ZNF236: variants seen among roughly 807,000 people sequenced by gnomAD.
The protein encoded by ZNF236 is zinc finger protein 236.
In ZNF236, 50 loss-of-function variants were observed where a neutral mutation model predicts 191.2. The ratio of observed to expected loss-of-function variants is 0.26; its 90% CI spans 0.21 to 0.33. The LOEUF (loss-of-function observed/expected upper bound fraction) is 0.33. ZNF236 is among the 10% of genes least tolerant of loss of function. The pLI is 1.00. For synonymous variants in ZNF236, 907 were observed against 928.8 expected (o/e 0.98, Z 0.43); for missense variants, 1,754 against 2,374.5 (o/e 0.74, Z 5.43).
chr18:76,913,719 G>A, intron 17 of ZNF236, 28 bp from the exon 18 acceptor site: 2 of 1,608,924 alleles, frequency 1.2e-6, no homozygotes, highest in South Asian at 1.1e-5. Flanking sequence ...AATTAACGTG[G>A]TCTGAGTTCT....
chr18:76,938,925 T>G (rs1304076072), intron 26 of ZNF236, among the ~76,000 whole-genome samples: 1 of 152,228 alleles, frequency 6.6e-6, no homozygotes, highest in African/African-American at 2.4e-5. Flanking sequence ...GCGTGACTGC[T>G]TATGGAGTTT....
chr18:76,908,724 T>G, intron 14 of ZNF236, 151 bp downstream of exon 14: 702 of 776,076 alleles, frequency 9.0e-4, no homozygotes, highest in Middle Eastern at 1.6e-3. Context: ...TTTGATATCA[T>G]TCCATGTCCT....
intron 25 of ZNF236, among the ~76,000 whole-genome samples, chr18:76,930,570 T>C (rs1343132883): frequency 6.6e-6 from 1 of 152,234 alleles, no homozygotes; most frequent in Non-Finnish European, 1.5e-5. Flanking sequence ...TTAGTAGGAA[T>C]GTATTGCAGG....
At position 76,880,947 on chromosome 18, in the gene ZNF236, A is replaced by G. The variant is rs1030850458; in HGVS notation, c.1189-337A>G. Among the ~76,000 whole-genome samples the G allele has an allele frequency of 5.3e-5, 8 of 152,246 alleles. No homozygotes were observed. The highest frequency in any genetic ancestry group is 1.9e-4 in the African/African-American group (8 of 41,464). ...GATACCTGAAAGTTAAACCCAGTGT[A>G]ACTCAAAAGCCTTAAAATAGGGATT... On this transcript the variant is annotated intron_variant, in intron 8 of 30. Coordinates refer to ENST00000320610, the MANE Select transcript of ZNF236 (RefSeq NM_001306089.2). This position sits in a 1 kb window ranked among gnomAD's most constrained non-coding sequence, Gnocchi z 5.0.
intron 1 of ZNF236, among the ~76,000 whole-genome samples, chr18:76,827,843 T>C (rs1975059869): frequency 6.6e-6 from 1 of 152,200 alleles, no homozygotes; most frequent in Non-Finnish European, 1.5e-5. Context: ...ATCATAATTA[T>C]TTTAGCAATA....
intron 6 of ZNF236, among the ~76,000 whole-genome samples, chr18:76,877,504 A>G (rs1976750897): frequency 6.6e-6 from 1 of 152,082 alleles, no homozygotes; most frequent in Non-Finnish European, 1.5e-5. Flanking sequence ...ATCTCAAAAA[A>G]AAAAAAGAAA....
chr18:76,908,963 CTGTG>C (rs10524379), intron 14 of ZNF236, among the ~76,000 whole-genome samples: 1,538 of 147,196 alleles, frequency 0.01, 16 homozygotes, highest in African/African-American at 0.031. Flanking sequence ...ATGTGTGTGT[CTGTG>C]TGTGTGTGTG....
intron 28 of ZNF236, among the ~76,000 whole-genome samples, chr18:76,957,772 T>C (rs192729183): frequency 6.6e-6 from 1 of 152,292 alleles, no homozygotes; most frequent in Admixed American, 6.5e-5. Flanking sequence ...TGGTATTTGG[T>C]TTTCTGTTTC....
rs181512072 is a variant in ZNF236 at position 76,927,321 on chromosome 18, A to T, written c.4218A>T (p.Leu1406=). 6.2e-7 allele frequency: 1 copy of T among 1,614,122 alleles called. No homozygotes were observed. Among genetic ancestry groups the T allele is most frequent in the South Asian group, 1.1e-5 (1 of 91,072 alleles). ...AGCAGACGCTACAGCAGGGCAACCT[A>T]TTGGCTCAGCAGCTCACGGGGGAGC... ...ILQQTLQQGN[L]LAQQLTGEPG... Residue 1406 remains leucine (L), a synonymous_variant, in exon 24 of 31, where the codon CTA becomes CTT. Transcript: ENST00000320610. This position sits in a 1 kb window ranked among gnomAD's most constrained non-coding sequence, Gnocchi z 5.4.
chr18:76,963,334 T>C (rs1375282296), intron 30 of ZNF236, among the ~76,000 whole-genome samples: 1 of 152,228 alleles, frequency 6.6e-6, no homozygotes, highest in Non-Finnish European at 1.5e-5. Context: ...GAAATGATCA[T>C]GTGGTTTTTG....
chr18:76,884,194 G>GTT (rs1976979407), intron 9 of ZNF236, among the ~76,000 whole-genome samples: 1 of 152,102 alleles, frequency 6.6e-6, no homozygotes, highest in Admixed American at 6.6e-5. Flanking sequence ...GAGGTCAGGA[G>GTT]TTTGAGACCA....
intron 1 of ZNF236, among the ~76,000 whole-genome samples, chr18:76,846,538 T>C (rs1314224579): frequency 1.3e-5 from 2 of 152,174 alleles, no homozygotes; most frequent in Non-Finnish European, 2.9e-5. Context: ...TAGACCGCCA[T>C]TGGGTTTCAA....
chr18:76,946,724 C>T (rs1046946790), intron 26 of ZNF236, among the ~76,000 whole-genome samples: 22 of 152,224 alleles, frequency 1.4e-4, no homozygotes, highest in Non-Finnish European at 1.2e-4. Context: ...CTTTCTCATT[C>T]TCTCGTATTC....
At chr18:76,895,368 TGGCACACAGTA>T in intron 10 of ZNF236, 83 bp downstream of exon 10, 1 of 1,542,756 alleles carries the variant, frequency 6.5e-7, no homozygotes, top group South Asian at 1.2e-5. Context: ...AACACAGGTA[TGGCACACAGTA>T]GGCACACAGG....
Position 76,895,436 on chromosome 18 carries a change from A to G in ZNF236, c.1690+151A>G. 3.7e-6 allele frequency: 4 copies of G among 1,088,994 alleles called. No individual in the cohort carries two copies. In the Admixed American group the frequency reaches 7.2e-5, roughly 20 times the overall value. The allele number at this position is 1,088,994 out of a possible 1,614,324, so 67.5% of individuals were successfully genotyped here. A position where few individuals can be genotyped will look rare whatever the true frequency, so the allele number is the denominator to read the frequency against. Reference sequence around the variant, plus strand: ...ACAGGGACTGCACAAAGTATCACACACAGTACTGCACGTAAGTGTGGCCCG... The same window carrying G: ...ACAGGGACTGCACAAAGTATCACACGCAGTACTGCACGTAAGTGTGGCCCG... On this transcript the variant is annotated intron_variant, in intron 10 of 30. Coordinates refer to ENST00000320610, the MANE Select transcript of ZNF236 (RefSeq NM_001306089.2).
chr18:76,848,741 C>G (rs1259213965), intron 1 of ZNF236, among the ~76,000 whole-genome samples: 1 of 152,170 alleles, frequency 6.6e-6, no homozygotes, highest in African/African-American at 2.4e-5. Context: ...TCATCGGTCA[C>G]TACGCCCCGA....
chr18:76,930,228 G>GC (rs1967810652), intron 25 of ZNF236, among the ~76,000 whole-genome samples: 1 of 152,146 alleles, frequency 6.6e-6, no homozygotes, highest in African/African-American at 2.4e-5. Context: ...TGTTCATCAT[G>GC]CAGTTTCATC....
intron 20 of ZNF236, among the ~76,000 whole-genome samples, chr18:76,921,298 G>T (rs1211035591): frequency 6.6e-6 from 1 of 152,216 alleles, no homozygotes; most frequent in Non-Finnish European, 1.5e-5. Flanking sequence ...GTGGCCACAG[G>T]ACCCTTCAAC....
intron 26 of ZNF236, among the ~76,000 whole-genome samples, chr18:76,939,436 C>T (rs1437598073): frequency 6.6e-6 from 1 of 152,192 alleles, no homozygotes; most frequent in East Asian, 1.9e-4. Flanking sequence ...GTGGACCAGC[C>T]AGGTCTCCTT....
Sources: allele counts gnomAD v4.1 joint callset (sites outside exome capture counted in the v4.1 genomes callset), GRCh38; gene constraint gnomAD v4.1.1; non-coding constraint Gnocchi (gnomAD v3.1); transcripts MANE v1.5; gene names NCBI Gene and HGNC (gene_info 2026-07-23, HGNC 2026-07-21).